FAM234A: variants seen among roughly 807,000 people sequenced by gnomAD.
The protein encoded by FAM234A is protein FAM234A.
Under a neutral mutation model 49.1 loss-of-function variants are expected in FAM234A, and 42 were observed. That is an observed-to-expected ratio of 0.86 (90% CI 0.67 to 1.11). FAM234A has a LOEUF of 1.11. FAM234A is among the 50% of genes least tolerant of loss of function. The pLI is 0.00. For missense variants in FAM234A, 815 were observed against 745.2 expected (o/e 1.09, Z -1.09); for synonymous variants, 369 against 316.2 (o/e 1.17, Z -1.77).
chr16:267,542 T>C (rs2141390335), downstream of FAM234A, among the ~76,000 whole-genome samples: 1 of 150,978 alleles, frequency 6.6e-6, no homozygotes, highest in East Asian at 2.0e-4. Context: ...ACACCACACA[T>C]GCATGCCTCA....
At chr16:253,733 C>CA (rs950789819) in intron 2 of FAM234A, 3 of 152,354 alleles carry the variant, frequency 2.0e-5, no homozygotes, top group African/African-American at 7.2e-5. Context: ...CTCGGCCTGC[C>CA]AAAGTACTGG....
chr16:256,982 T>C (rs971577252), intron 3 of FAM234A, among the ~76,000 whole-genome samples: 1 of 152,166 alleles, frequency 6.6e-6, no homozygotes, highest in East Asian at 1.9e-4. Context: ...CCTTAGGTGA[T>C]TGGCCTGCCT....
At chr16:263,227 G>T in intron 8 of FAM234A, 35 bp from the exon 9 acceptor site, 1 of 1,602,634 alleles carries the variant, frequency 6.2e-7, no homozygotes, top group Non-Finnish European at 8.5e-7. Context: ...CCGCCCCGGG[G>T]ACCCGGCGCC....
intron 1 of FAM234A, 126 bp from the exon 2 acceptor site, chr16:249,423 G>A (rs2050920107): frequency 6.6e-6 from 1 of 152,042 alleles, no homozygotes; most frequent in Admixed American, 6.6e-5. Flanking sequence ...GATTGCGAAA[G>A]CACCCAAGTT....
At chr16:246,129 C>T (rs898370774) in intron 1 of FAM234A, among the ~76,000 whole-genome samples, 58 of 151,384 alleles carry the variant, frequency 3.8e-4, no homozygotes, top group African/African-American at 1.2e-3. Flanking sequence ...GCAGGAGAAT[C>T]GCTTGAACCC....
chr16:260,648 G>A (rs998319074), intron 5 of FAM234A: 21 of 472,504 alleles, frequency 4.4e-5, no homozygotes, highest in East Asian at 2.8e-4. Flanking sequence ...CGTGGTGCAC[G>A]GGGCCATGTG....
At chr16:252,838 A>C (rs903248350) in intron 2 of FAM234A, among the ~76,000 whole-genome samples, 5 of 152,190 alleles carry the variant, frequency 3.3e-5, no homozygotes, top group African/African-American at 1.2e-4. Flanking sequence ...TGCGGCTTTC[A>C]GCTCAGCTTT....
chr16:235,850 A>G (rs903637318), intron 1 of FAM234A, among the ~76,000 whole-genome samples: 1 of 152,144 alleles, frequency 6.6e-6, no homozygotes, highest in African/African-American at 2.4e-5. Flanking sequence ...TAAATTAGAT[A>G]AATAAAAAAT....
rs764389818 is a variant in FAM234A, at chr16:264,691, C to G, written c.1422C>G (p.Val474=). The part of the protein sequence containing the change: ...LPRVLLELAN[V]STHIVAFDAV... Reference sequence around the variant, plus strand: ...GCGTGCTGCTGGAGCTGGCCAATGTCTCTACCCACATTGTCGCCTTTGACG... The same window carrying G: ...GCGTGCTGCTGGAGCTGGCCAATGTGTCTACCCACATTGTCGCCTTTGACG... Residue 474 remains valine, a synonymous_variant, in exon 12 of 13, where the codon GTC becomes GTG. Transcript: ENST00000399932. The G allele has an allele frequency of 6.2e-7, 1 of 1,611,954 alleles. No homozygotes were observed. Among genetic ancestry groups the G allele is most frequent in the African/African-American group, 1.3e-5 (1 of 75,054 alleles).
chr16:266,218 G>A (rs958529904), downstream of FAM234A: 49 of 585,256 alleles, frequency 8.4e-5, no homozygotes, highest in African/African-American at 8.7e-4. Context: ...CTGGGTCAGG[G>A]TGGGGAGGGC....
intron 2 of FAM234A, among the ~76,000 whole-genome samples, chr16:253,315 G>C (rs562733556): frequency 2.6e-5 from 4 of 152,188 alleles, no homozygotes; most frequent in African/African-American, 7.2e-5. Flanking sequence ...ACTCAACACA[G>C]CTGTCCCCTG....
intron 2 of FAM234A, among the ~76,000 whole-genome samples, chr16:253,082 T>C (rs1567216436): frequency 6.6e-6 from 1 of 152,250 alleles, no homozygotes; most frequent in Non-Finnish European, 1.5e-5. Context: ...TCTCGTTTTA[T>C]ACAGTCGAAG....
chr16:237,955 C>G (rs145837639), intron 1 of FAM234A, among the ~76,000 whole-genome samples: 1 of 151,964 alleles, frequency 6.6e-6, no homozygotes, highest in Non-Finnish European at 1.5e-5. Flanking sequence ...CCTCCCGCCT[C>G]GGCCTCCCAA....
intron 1 of FAM234A, among the ~76,000 whole-genome samples, chr16:243,168 G>T (rs28560252): frequency 0.021 from 3,133 of 151,700 alleles, 93 homozygotes; most frequent in African/African-American, 0.071. Flanking sequence ...TTGTAGAGAT[G>T]GGGTCTCCCC....
intron 1 of FAM234A, among the ~76,000 whole-genome samples, chr16:238,838 AC>A (rs1029809052): frequency 2.1e-5 from 3 of 140,058 alleles, no homozygotes; most frequent in African/African-American, 8.1e-5. Flanking sequence ...TAATCCCAAC[AC>A]TTTGGGAGGC....
downstream of FAM234A, among the ~76,000 whole-genome samples, chr16:267,941 A>G (rs1404902205): frequency 6.7e-6 from 1 of 149,744 alleles, no homozygotes; most frequent in Non-Finnish European, 1.5e-5. Context: ...CACTACACAC[A>G]ATCACACATG....
At chr16:254,183 CTAAT>C (rs1193044852) in intron 2 of FAM234A, 194 bp from the exon 3 acceptor site, 1 of 565,544 alleles carries the variant, frequency 1.8e-6, no homozygotes, top group African/African-American at 1.9e-5. Flanking sequence ...CCTTTCCACA[CTAAT>C]TAGAGACCTT....
In FAM234A at chr16:264,842, C is replaced by G; in HGVS notation, c.1479C>G (p.Ala493=). 6.2e-7 allele frequency: 1 copy of G among 1,611,718 alleles called. No individual in the cohort carries two copies. The change falls in exon 13 of 13, where the codon GCC becomes GCG. Residue 493 remains alanine, a synonymous_variant. Coordinates refer to ENST00000399932, the MANE Select transcript of FAM234A (RefSeq NM_032039.4). ...AVLFEPSRHA[A]YILLTGPADS... is the part of the protein sequence containing the mutation. The stretch of plus-strand genomic sequence containing the variant: ...TGTTTGAGCCAAGCCGCCACGCCGC[C>G]TACATCCTTCTGACAGGCCCGGCAG...
intron 11 of FAM234A, 52 bp downstream of exon 11, chr16:264,223 C>T: frequency 6.6e-7 from 1 of 1,522,460 alleles, no homozygotes; most frequent in South Asian, 1.2e-5. Flanking sequence ...GCCAGAGACC[C>T]AGGCTGGAGC....
Sources: allele counts gnomAD v4.1 joint callset (sites outside exome capture counted in the v4.1 genomes callset), GRCh38; gene constraint gnomAD v4.1.1; transcripts MANE v1.5; gene names NCBI Gene and HGNC (gene_info 2026-07-23, HGNC 2026-07-21).